The following GPC6 variants were observed in gnomAD, a reference collection of about 807,000 sequenced individuals.
The protein encoded by GPC6 is glypican-6.
In GPC6, 14 loss-of-function variants were observed where a neutral mutation model predicts 55.2. That is an observed-to-expected ratio of 0.25 (90% confidence interval 0.17 to 0.40). The LOEUF (loss-of-function observed/expected upper bound fraction) is 0.40, where lower values mean the gene tolerates loss of function less well. Ranked by LOEUF, GPC6 falls within the 10% of genes least tolerant of loss-of-function variation. The pLI is 1.00. For synonymous variants in GPC6, 278 were observed against 259.6 expected, an observed-to-expected ratio of 1.07 and a Z score of -0.68; for missense variants, 641 against 708.5, an observed-to-expected ratio of 0.90 and a Z score of 1.08.
chr13:93,777,174 A>G (rs914771567), intron 2 of GPC6, among the ~76,000 whole-genome samples: 8 of 152,188 alleles, frequency 5.3e-5, no homozygotes, highest in African/African-American at 1.7e-4. Context: ...AGCCATAGGT[A>G]AAAGGATCTC....
chr13:94,290,634 C>T (rs1245591038), intron 5 of GPC6, among the ~76,000 whole-genome samples: 4 of 152,188 alleles, frequency 2.6e-5, no homozygotes, highest in African/African-American at 9.6e-5. Flanking sequence ...TTGCACCTCA[C>T]ATATTTATCA....
At chr13:93,399,636 A>G (rs2762109) in intron 1 of GPC6, among the ~76,000 whole-genome samples, 73,508 of 152,136 alleles carry the variant, frequency 0.48, 21,021 homozygotes, top group Non-Finnish European at 0.66. Flanking sequence ...CATGCTGTTG[A>G]ACATATTTAC....
At chr13:93,680,170 G>T (rs996654175) in intron 2 of GPC6, among the ~76,000 whole-genome samples, 5 of 152,136 alleles carry the variant, frequency 3.3e-5, no homozygotes, top group African/African-American at 1.2e-4. Flanking sequence ...GCCACTGTGA[G>T]TCCTAATTCA....
intron 4 of GPC6, among the ~76,000 whole-genome samples, chr13:94,060,026 A>G (rs1884265596): frequency 6.6e-6 from 1 of 152,090 alleles, no homozygotes; most frequent in Non-Finnish European, 1.5e-5. Context: ...CTCTTCTCAA[A>G]TATCATCTCC....
chr13:94,343,710 C>T (rs971501163), intron 6 of GPC6, among the ~76,000 whole-genome samples: 3 of 152,136 alleles, frequency 2.0e-5, no homozygotes, highest in Admixed American at 6.5e-5. Context: ...ACTTTGAGAG[C>T]TTGTTTAAAA....
intron 4 of GPC6, among the ~76,000 whole-genome samples, chr13:94,102,356 C>T (rs1885895904): frequency 6.6e-6 from 1 of 152,138 alleles, no homozygotes; most frequent in South Asian, 2.1e-4. Context: ...TTCTATAATC[C>T]TCCCCTGGGT....
chr13:93,533,488 A>T (rs1881942637), intron 1 of GPC6, among the ~76,000 whole-genome samples: 1 of 152,152 alleles, frequency 6.6e-6, no homozygotes, highest in Non-Finnish European at 1.5e-5. Flanking sequence ...GTGCTTGTTG[A>T]CTATGGGAAT....
intron 4 of GPC6, among the ~76,000 whole-genome samples, chr13:94,066,731 T>C (rs1361420139): frequency 1.3e-5 from 2 of 152,196 alleles, no homozygotes; most frequent in African/African-American, 2.4e-5. Context: ...TTGTTAACTC[T>C]GAGAATCCAC....
At chr13:93,772,220 T>C (rs1250809290) in intron 2 of GPC6, among the ~76,000 whole-genome samples, 1 of 152,166 alleles carries the variant, frequency 6.6e-6, no homozygotes, top group Admixed American at 6.6e-5. Flanking sequence ...ATTTATTGCT[T>C]CTGTATGCAT....
chr13:93,487,248 C>T (rs1879757266), intron 1 of GPC6, among the ~76,000 whole-genome samples: 1 of 151,954 alleles, frequency 6.6e-6, no homozygotes, highest in Admixed American at 6.6e-5. Context: ...ATTTTAAGTT[C>T]AGGGATATAT....
At chr13:93,353,556 A>G (rs1399768498) in intron 1 of GPC6, among the ~76,000 whole-genome samples, 3 of 152,232 alleles carry the variant, frequency 2.0e-5, no homozygotes, top group Non-Finnish European at 4.4e-5. Context: ...AAAGTCAGGC[A>G]TTCAGAAGGT....
chr13:93,886,315 C>T (rs901712311), intron 3 of GPC6, among the ~76,000 whole-genome samples: 1 of 152,034 alleles, frequency 6.6e-6, no homozygotes, highest in African/African-American at 2.4e-5. Context: ...ATACTAGGAA[C>T]TTAGAAAGAG....
At chr13:93,860,456 A>C (rs1888774018) in intron 3 of GPC6, among the ~76,000 whole-genome samples, 1 of 151,634 alleles carries the variant, frequency 6.6e-6, no homozygotes, top group African/African-American at 2.4e-5. Context: ...GAAATAGGGT[A>C]GTTTTTTCTG....
intron 4 of GPC6, among the ~76,000 whole-genome samples, chr13:94,260,782 G>A (rs1433470120): frequency 1.3e-5 from 2 of 152,168 alleles, no homozygotes; most frequent in African/African-American, 4.8e-5. Context: ...GGTCAGATCA[G>A]ATCTGAGTTT....
At chr13:94,103,060 C>T (rs753725351) in intron 4 of GPC6, among the ~76,000 whole-genome samples, 11 of 152,094 alleles carry the variant, frequency 7.2e-5, no homozygotes, top group Non-Finnish European at 1.2e-4. Flanking sequence ...CAACAGGCCC[C>T]GGTGTGTGAT....
At chr13:94,301,770 T>C (rs2139105819) in intron 5 of GPC6, among the ~76,000 whole-genome samples, 1 of 152,360 alleles carries the variant, frequency 6.6e-6, no homozygotes, top group South Asian at 2.1e-4. Context: ...GCAATCAGTT[T>C]CAGGGCTTTA....
intron 2 of GPC6, among the ~76,000 whole-genome samples, chr13:93,791,011 A>C (rs1023033011): frequency 6.6e-6 from 1 of 152,178 alleles, no homozygotes; most frequent in African/African-American, 2.4e-5. Flanking sequence ...AGTTTTTGAA[A>C]AGAGGAACCA....
intron 1 of GPC6, among the ~76,000 whole-genome samples, chr13:93,351,563 A>C (rs2139164689): frequency 6.6e-6 from 1 of 152,240 alleles, no homozygotes; most frequent in Non-Finnish European, 1.5e-5. Context: ...CATTACATAG[A>C]TTCAAATAGC....
intron 2 of GPC6, 107 bp from the exon 3 acceptor site, chr13:93,830,047 G>A: frequency 1.4e-6 from 1 of 735,708 alleles, no homozygotes; most frequent in Non-Finnish European, 2.2e-6. Flanking sequence ...CACAGGATAT[G>A]TTTTTCCATG....
Sources: allele counts gnomAD v4.1 joint callset (sites outside exome capture counted in the v4.1 genomes callset), GRCh38; gene constraint gnomAD v4.1.1; transcripts MANE v1.5; gene names NCBI Gene and HGNC (gene_info 2026-07-23, HGNC 2026-07-21).